Variants in GSAP observed in about 807,000 individuals in gnomAD.
The protein encoded by GSAP is gamma-secretase activating protein, also known as gamma-secretase-activating protein.
In GSAP, 118 loss-of-function variants were observed where a neutral mutation model predicts 131.7. The observed-to-expected ratio is 0.90, with a 90% CI of 0.77 to 1.04. GSAP has a LOEUF of 1.04. Ranked by LOEUF, GSAP falls within the 50% of genes least tolerant of loss-of-function variation. The pLI is 0.00. For synonymous variants in GSAP, 381 were observed against 363.4 expected, an observed-to-expected ratio of 1.05 and a Z score of -0.55; for missense variants, 1,019 against 1,013.2, an observed-to-expected ratio of 1.01 and a Z score of -0.08.
At chr7:77,334,743 G>A (rs1043266546) in intron 19 of GSAP, among the ~76,000 whole-genome samples, 1 of 151,924 alleles carries the variant, frequency 6.6e-6, no homozygotes, top group African/African-American at 2.4e-5. Flanking sequence ...CCGGCAACTC[G>A]AAAAGAGCTA....
At position 77,311,885 on chromosome 7, in the gene GSAP, T is replaced by C; in HGVS notation, c.2429A>G (p.Asn810Ser). The change falls in exon 30 of 31, where the codon AAC becomes AGC. Residue 810 changes from asparagine (N) to serine (S), a missense_variant. Asn to Ser is a conservative substitution (Grantham distance 46). Transcript: ENST00000257626. ...ATCTGTCAGAATTTCAATGAAGTAG[T>C]TCAGAGGCAGAAATTCTACACTGAA... is the stretch of plus-strand genomic sequence containing the variant. ...SSFSVEFLPL[N>S]YFIEILTDIE... is the part of the protein sequence containing the mutation. 6.2e-7 allele frequency: 1 copy of C among 1,602,270 alleles called. No homozygotes were observed. Among genetic ancestry groups the C allele is most frequent in the Non-Finnish European group, 8.6e-7 (1 of 1,169,336 alleles).
intron 14 of GSAP, among the ~76,000 whole-genome samples, chr7:77,358,339 TCAAA>T (rs1251124677): frequency 5.3e-5 from 8 of 152,340 alleles, no homozygotes; most frequent in South Asian, 4.1e-4. Flanking sequence ...AGATCCTGTC[TCAAA>T]CAAACAAACA....
chr7:77,314,639 T>C (rs2150584339), intron 26 of GSAP, 150 bp from the exon 27 acceptor site: 1 of 741,570 alleles, frequency 1.3e-6, no homozygotes, highest in East Asian at 2.9e-5. Context: ...CCAAGTTTCC[T>C]TCTCTGTATT....
chr7:77,360,391 T>C (rs1794355769), intron 14 of GSAP, among the ~76,000 whole-genome samples: 1 of 152,194 alleles, frequency 6.6e-6, no homozygotes, highest in Non-Finnish European at 1.5e-5. Context: ...TTAATGGGAC[T>C]TGGAAACTTT....
intron 26 of GSAP, among the ~76,000 whole-genome samples, chr7:77,318,575 C>G (rs950898863): frequency 3.3e-5 from 5 of 152,100 alleles, no homozygotes; most frequent in African/African-American, 1.2e-4. Flanking sequence ...GTTTAGGCAA[C>G]TAATCTTCAA....
intron 26 of GSAP, 80 bp from the exon 27 acceptor site, chr7:77,314,569 A>G: frequency 1.3e-6 from 2 of 1,529,174 alleles, no homozygotes; most frequent in Non-Finnish European, 1.8e-6. Context: ...GATCATGTTA[A>G]TAAAGCACTT....
chr7:77,330,573 CTTTTTTTTTTT>C (rs750457611), intron 19 of GSAP: 3 of 761,744 alleles, frequency 3.9e-6, no homozygotes, highest in Middle Eastern at 6.1e-4. Context: ...TTTTCTGTCT[CTTTTTTTTTTT>C]TTTTTTTTTG....
At chr7:77,382,086 T>C (rs992471791) in intron 7 of GSAP, among the ~76,000 whole-genome samples, 1 of 150,652 alleles carries the variant, frequency 6.6e-6, no homozygotes. Context: ...GAAACCATCA[T>C]GGAAGGACAT....
chr7:77,312,174 C>CA lies in GSAP; in HGVS notation c.2299dup (p.Trp767LeufsTer8). On this transcript the variant is annotated frameshift_variant, in exon 29 of 31. Coordinates refer to ENST00000257626, the MANE Select transcript of GSAP (RefSeq NM_017439.4). LOFTEE classifies it high-confidence loss of function. Reference sequence around the variant, plus strand: ...GATGTTAGAACTCATAGGATGATCCCAAAGTCTACAAATCTTCTGCCCAAT... The same window carrying CA: ...GATGTTAGAACTCATAGGATGATCCCAAAAGTCTACAAATCTTCTGCCCAAT... 6.2e-7 allele frequency: 1 copy of CA among 1,600,718 alleles called. No homozygotes were observed. The highest frequency in any genetic ancestry group is 8.5e-7 in the Non-Finnish European group (1 of 1,174,660).
In GSAP at chr7:77,414,844, C is replaced by CTTTTTTTTTTTT. The variant is rs57095326; in HGVS notation, c.109+1357_109+1368dup. Among the ~76,000 whole-genome samples the CTTTTTTTTTTTT allele has an allele frequency of 3.9e-3, 231 of 59,868 alleles. 27 individuals are homozygous for CTTTTTTTTTTTT. Among genetic ancestry groups the CTTTTTTTTTTTT allele is most frequent in the East Asian group, 0.01 (15 of 1,452 alleles). 39.3% of individuals were successfully genotyped at this position (59,868 alleles called of 152,430 possible). On this transcript the variant is annotated intron_variant, in intron 1 of 30. Transcript: ENST00000257626. Reference sequence around the variant, plus strand: ...AAAAACTTTTCAGACATGTGGGCGACTTTTTTTTTTTTTTTTTTTTTTTTT... The same window carrying CTTTTTTTTTTTT: ...AAAAACTTTTCAGACATGTGGGCGACTTTTTTTTTTTTTTTTTTTTTTTTTTTTTTTTTTTTT...
At position 77,367,276 on chromosome 7, in the gene GSAP, T is replaced by C. The variant is rs570594429; in HGVS notation, c.872-4616A>G. Among the ~76,000 whole-genome samples the C allele has an allele frequency of 8.5e-5, 13 of 152,326 alleles. 1 individual carries two copies. In the East Asian group the frequency reaches 2.5e-3, roughly 29 times the overall value. On this transcript the variant is annotated intron_variant, in intron 12 of 30. Transcript: ENST00000257626. ...ATAGGAGTGGTGAGAGAGGACATCCTTGTCCTGTGCCAGTTTTCAAGGGAA... is the reference window on the plus strand; with the variant it reads ...ATAGGAGTGGTGAGAGAGGACATCCCTGTCCTGTGCCAGTTTTCAAGGGAA...
intron 29 of GSAP, 49 bp downstream of exon 29, chr7:77,312,052 A>G (rs1794432403): frequency 7.7e-7 from 1 of 1,306,184 alleles, no homozygotes; most frequent in Non-Finnish European, 1.1e-6. Context: ...GTCACGGGCA[A>G]ACAGGATCCT....
At chr7:77,331,365 T>C (rs1391939682) in intron 19 of GSAP, among the ~76,000 whole-genome samples, 2 of 152,242 alleles carry the variant, frequency 1.3e-5, no homozygotes, top group African/African-American at 4.8e-5. Context: ...AACTTGGTTT[T>C]AAACCAATAA....
intron 19 of GSAP, 102 bp from the exon 20 acceptor site, chr7:77,330,469 C>T (rs1420210557): frequency 2.7e-6 from 4 of 1,466,092 alleles, no homozygotes; most frequent in Non-Finnish European, 1.8e-6. Flanking sequence ...TCTCAGGGTC[C>T]ACATTTCTGA....
intron 6 of GSAP, among the ~76,000 whole-genome samples, chr7:77,383,006 C>G (rs1798017170): frequency 6.6e-6 from 1 of 152,102 alleles, no homozygotes. Context: ...GGCAACATGG[C>G]AAGACCGCAT....
chr7:77,319,903 C>T (rs548976814), intron 26 of GSAP, among the ~76,000 whole-genome samples: 1 of 152,236 alleles, frequency 6.6e-6, no homozygotes, highest in South Asian at 2.1e-4. Flanking sequence ...AATTGCTGTT[C>T]AATGGGTATA....
At chr7:77,351,279 A>C in intron 18 of GSAP, 2 of 949,520 alleles carry the variant, frequency 2.1e-6, no homozygotes, top group Non-Finnish European at 2.5e-6. Context: ...ATTTTAAAAG[A>C]GGTATAGTTG....
intron 19 of GSAP, among the ~76,000 whole-genome samples, chr7:77,343,061 G>A (rs919597623): frequency 9.2e-5 from 14 of 152,268 alleles, no homozygotes; most frequent in African/African-American, 3.1e-4. Flanking sequence ...CACAGCCAAA[G>A]TGCAGGGCTG....
At chr7:77,382,337 A>G (rs369018670) in intron 7 of GSAP, among the ~76,000 whole-genome samples, 5 of 152,196 alleles carry the variant, frequency 3.3e-5, no homozygotes, top group African/African-American at 9.6e-5. Context: ...TTGCAGATCC[A>G]TGTATGCAAG....
Sources: allele counts gnomAD v4.1 joint callset (sites outside exome capture counted in the v4.1 genomes callset), GRCh38; gene constraint gnomAD v4.1.1; transcripts MANE v1.5; gene names NCBI Gene and HGNC (gene_info 2026-07-23, HGNC 2026-07-21).